CCDC82: variants seen among roughly 807,000 people sequenced by gnomAD.
CCDC82 encodes the protein coiled-coil domain containing 82, also known as coiled-coil domain-containing protein 82.
Under a neutral mutation model 60.6 loss-of-function variants are expected in CCDC82, and 47 were observed. That is an observed-to-expected ratio of 0.77 (90% CI 0.61 to 0.99). The LOEUF (loss-of-function observed/expected upper bound fraction) is 0.99, where lower values mean the gene tolerates loss of function less well. CCDC82 is among the 50% of genes least tolerant of loss of function. CCDC82 has a pLI of 0.00. For synonymous variants in CCDC82, 212 were observed against 207.4 expected (o/e 1.02, Z -0.19); for missense variants, 588 against 633.0 (o/e 0.93, Z 0.76).
intron 3 of CCDC82, 142 bp from the exon 4 acceptor site, chr11:96,384,903 T>A: frequency 1.8e-6 from 1 of 542,444 alleles, no homozygotes; most frequent in Non-Finnish European, 3.2e-6. Flanking sequence ...GTGAAGATGG[T>A]AGAACATTAA....
rs1346698717 is a variant in CCDC82 at position 96,353,727 on chromosome 11, T to C, written c.1567-13A>G. The C allele has an allele frequency of 5.7e-6, 9 of 1,589,122 alleles. No individual in the cohort carries two copies. The highest frequency in any genetic ancestry group is 6.9e-6 in the Non-Finnish European group (8 of 1,161,984). On this transcript the variant is annotated splice_polypyrimidine_tract_variant and intron_variant, in intron 9 of 9. Coordinates refer to ENST00000646818, the MANE Select transcript of CCDC82 (RefSeq NM_024725.4). Reference sequence around the variant, plus strand: ...GTTGACCATATTTCTGCATATACAATAGAAAAGCTAGTTATTTTACTCAAA... The same window carrying C: ...GTTGACCATATTTCTGCATATACAACAGAAAAGCTAGTTATTTTACTCAAA...
intron 7 of CCDC82, among the ~76,000 whole-genome samples, chr11:96,370,144 A>G (rs1865185660): frequency 1.3e-5 from 2 of 152,212 alleles, no homozygotes; most frequent in African/African-American, 4.8e-5. Flanking sequence ...TCACCATATA[A>G]TTCAACAAGG....
In CCDC82 at chr11:96,365,148, C is replaced by A; in HGVS notation, c.1212G>T (p.Glu404Asp). 6.6e-7 allele frequency: 1 copy of A among 1,523,956 alleles called. No homozygotes were observed. The highest frequency in any genetic ancestry group is 8.8e-7 in the Non-Finnish European group (1 of 1,131,680). 94.4% of individuals were successfully genotyped at this position (1,523,956 alleles called of 1,614,324 possible). ...TTACATTAGAATAATTTTCTACTCG[C>A]TCCTGAAAACAAAAAATATAAAAAA... ...SRSRWKEQYKERVENYSNVSI... is the reference protein window; with the variant it reads ...SRSRWKEQYKDRVENYSNVSI... The change falls in exon 8 of 10, where the codon GAG becomes GAT. Residue 404 changes from glutamate to aspartate, a missense_variant and splice_region_variant. By Grantham distance (45) the Glu-to-Asp change is conservative (BLOSUM62 2). Transcript: ENST00000646818.
chr11:96,368,926 T>C (rs537798902), intron 7 of CCDC82, among the ~76,000 whole-genome samples: 50 of 152,284 alleles, frequency 3.3e-4, no homozygotes, highest in Middle Eastern at 6.8e-3. Context: ...TGAAAAAATC[T>C]GTTGTTTACT....
At chr11:96,385,540 T>C (rs775168826) in intron 3 of CCDC82, 12 of 152,148 alleles carry the variant, frequency 7.9e-5, no homozygotes, top group Non-Finnish European at 1.5e-4. Context: ...AGATAATATA[T>C]CCACTAAGAT....
Position 96,359,167 on chromosome 11 carries a change from A to G in CCDC82, c.1392T>C (p.Val464=). The change falls in exon 9 of 10, where the codon GTT becomes GTC. Residue 464 remains valine (V), a synonymous_variant. Coordinates refer to ENST00000646818, the MANE Select transcript of CCDC82 (RefSeq NM_024725.4). ...FMSHDKQVFT[V]GRICASRTRI... ...TGGTACGGCTGGCACAAATTCTGCC[A>G]ACAGTGAACACCTAAATCAAGAAAT... 6.4e-7 allele frequency: 1 copy of G among 1,574,648 alleles called. No individual in the cohort carries two copies.
intron 9 of CCDC82, chr11:96,356,039 T>A (rs941981911): frequency 6.6e-6 from 1 of 152,220 alleles, no homozygotes; most frequent in Non-Finnish European, 1.5e-5. Flanking sequence ...GAATTCAGTG[T>A]TAACGGGTAC....
intron 9 of CCDC82, chr11:96,355,374 C>G (rs778295818): frequency 6.6e-6 from 1 of 152,148 alleles, no homozygotes; most frequent in East Asian, 1.9e-4. Context: ...CAATTAAAAT[C>G]TATCTCAGCT....
intron 8 of CCDC82, among the ~76,000 whole-genome samples, chr11:96,362,361 G>C (rs1489245728): frequency 6.6e-6 from 1 of 152,092 alleles, no homozygotes; most frequent in Non-Finnish European, 1.5e-5. Context: ...TTTGTTTTCT[G>C]TTTCTGGGTC....
intron 1 of CCDC82, chr11:96,388,214 C>T (rs1341658672): frequency 6.6e-6 from 1 of 152,110 alleles, no homozygotes; most frequent in Non-Finnish European, 1.5e-5. Flanking sequence ...GAGTGAACCT[C>T]GGAAGAGAAA....
chr11:96,360,351 C>T (rs546978947), intron 8 of CCDC82, among the ~76,000 whole-genome samples: 1 of 150,820 alleles, frequency 6.6e-6, no homozygotes, highest in South Asian at 2.1e-4. Context: ...TGTCACCACA[C>T]GCAGCTAATT....
rs184196092 is a variant in CCDC82, at chr11:96,385,525, T to C, written c.-15+729A>G. On this transcript the variant is annotated intron_variant, in intron 3 of 9. Transcript: ENST00000646818. ...ACATAAAGAAGACAGCAGTGAAAAA[T>C]TGAGAGATAATATATCCACTAAGAT... 3 of 152,252 alleles carry C rather than the reference T, an allele frequency of 2.0e-5. No homozygotes were observed. The East Asian group carries it at 5.8e-4, about 29-fold the overall frequency. 9.4% of individuals were successfully genotyped at this position (152,252 alleles called of 1,614,324 possible). A position where few individuals can be genotyped will look rare whatever the true frequency, so the allele number is the denominator to read the frequency against.
At chr11:96,378,968 G>T (rs1865729057) in intron 5 of CCDC82, among the ~76,000 whole-genome samples, 1 of 151,952 alleles carries the variant, frequency 6.6e-6, no homozygotes, top group Non-Finnish European at 1.5e-5. Flanking sequence ...CTTCCTATAG[G>T]TAAGAATTGC....
At chr11:96,380,426 T>C (rs574884623) in intron 5 of CCDC82, 2 of 151,908 alleles carry the variant, frequency 1.3e-5, no homozygotes, top group South Asian at 4.1e-4. Context: ...TACATCTTCC[T>C]GAGGTAGAGA....
At chr11:96,358,407 G>T in intron 9 of CCDC82, 2 of 1,226,650 alleles carry the variant, frequency 1.6e-6, no homozygotes, top group South Asian at 8.5e-5. Flanking sequence ...CTTTACTCCT[G>T]TTATCAAATT....
At chr11:96,354,472 A>C (rs1181778238) in intron 9 of CCDC82, 1 of 152,218 alleles carries the variant, frequency 6.6e-6, no homozygotes, top group Non-Finnish European at 1.5e-5. Context: ...GGTAATGGAA[A>C]GTTGCTAAAG....
intron 9 of CCDC82, chr11:96,356,859 T>C (rs1206536162): frequency 1.9e-5 from 19 of 985,148 alleles, no homozygotes; most frequent in Admixed American, 6.2e-5. Flanking sequence ...TAAAGTAAAA[T>C]GGCTGAAGAA....
intron 9 of CCDC82, chr11:96,358,025 G>A (rs902550949): frequency 1.0e-6 from 1 of 985,348 alleles, no homozygotes; most frequent in Non-Finnish European, 1.2e-6. Flanking sequence ...TATCTAGACT[G>A]GGAGACCTCC....
chr11:96,363,076 G>C (rs1297665264), intron 8 of CCDC82: 1 of 151,474 alleles, frequency 6.6e-6, no homozygotes, highest in African/African-American at 2.4e-5. Flanking sequence ...CCATTCTCCT[G>C]CCTCGAGTAG....
Sources: gnomAD v4.1 joint callset for allele counts (sites outside exome capture counted in the v4.1 genomes callset) on GRCh38, gnomAD v4.1.1 for gene constraint, MANE v1.5 for transcripts, NCBI Gene and HGNC (gene_info 2026-07-23, HGNC 2026-07-21) for gene names.